The following CNTNAP2 variants were observed in gnomAD, a reference collection of about 807,000 sequenced individuals.
CNTNAP2 encodes the protein contactin-associated protein-like 2.
In CNTNAP2, 98 loss-of-function variants were observed where a neutral mutation model predicts 155.2. That is an observed-to-expected ratio of 0.63 (90% CI 0.54 to 0.75). The LOEUF (loss-of-function observed/expected upper bound fraction) is 0.75, where lower values mean the gene tolerates loss of function less well. Ranked by LOEUF, CNTNAP2 falls within the 30% of genes least tolerant of loss-of-function variation. The pLI is 0.00. For missense variants in CNTNAP2, 1,727 were observed against 1,688.1 expected (o/e 1.02, Z -0.40); for synonymous variants, 651 against 631.2 (o/e 1.03, Z -0.47).
chr7:146,497,799 CAT>C (rs778518652), intron 1 of CNTNAP2, among the ~76,000 whole-genome samples: 8 of 148,368 alleles, frequency 5.4e-5, no homozygotes, highest in African/African-American at 9.8e-5. Flanking sequence ...CATATATAAA[CAT>C]ATATATACAT....
intron 1 of CNTNAP2, among the ~76,000 whole-genome samples, chr7:146,552,752 T>C (rs1259961570): frequency 6.6e-6 from 1 of 152,082 alleles, no homozygotes; most frequent in Non-Finnish European, 1.5e-5. Flanking sequence ...TCCCCTCTGC[T>C]CTCTCCTTTA....
At chr7:147,590,415 T>C (rs771324971) in intron 12 of CNTNAP2, among the ~76,000 whole-genome samples, 1 of 152,136 alleles carries the variant, frequency 6.6e-6, no homozygotes, top group Non-Finnish European at 1.5e-5. Flanking sequence ...TCTCACAAGA[T>C]CTGATGGTCT....
intron 18 of CNTNAP2, among the ~76,000 whole-genome samples, chr7:148,212,916 G>A (rs1795573201): frequency 6.6e-6 from 1 of 152,140 alleles, no homozygotes. Context: ...CTGCAAAACT[G>A]ACATAAATCC....
In CNTNAP2 at chr7:146,897,237, C is replaced by T. The variant is rs558275854; in HGVS notation, c.402+57333C>T. Among the ~76,000 whole-genome samples the T allele has an allele frequency of 2.0e-3, 311 of 152,136 alleles. 2 individuals carry two copies. The highest frequency in any genetic ancestry group is 1.4e-3 in the Non-Finnish European group (95 of 68,000). On this transcript the variant is annotated intron_variant, in intron 3 of 23. Coordinates refer to ENST00000361727, the MANE Select transcript of CNTNAP2 (RefSeq NM_014141.6). ...CTATTTTACCTGTTTTCAACTTTTA[C>T]GTAACTTGTCTGACATTTAAGTTGA...
chr7:147,069,288 G>T (rs75667294), intron 4 of CNTNAP2, among the ~76,000 whole-genome samples: 3,845 of 152,246 alleles, frequency 0.025, 130 homozygotes, highest in African/African-American at 0.081. Flanking sequence ...TGTTTCTTCA[G>T]TGAATCCCTG....
chr7:146,291,679 A>T (rs1181174490), intron 1 of CNTNAP2, among the ~76,000 whole-genome samples: 2 of 152,214 alleles, frequency 1.3e-5, no homozygotes, highest in Non-Finnish European at 1.5e-5. Flanking sequence ...GAATAGATTT[A>T]AAAAATTAAA....
At chr7:148,168,806 T>G (rs1054793112) in intron 17 of CNTNAP2, among the ~76,000 whole-genome samples, 1 of 152,230 alleles carries the variant, frequency 6.6e-6, no homozygotes, top group Non-Finnish European at 1.5e-5. Context: ...GAAATACCAA[T>G]TGTTTCCAAA....
chr7:146,892,593 A>G (rs1437169282), intron 3 of CNTNAP2, among the ~76,000 whole-genome samples: 2 of 152,194 alleles, frequency 1.3e-5, no homozygotes, highest in East Asian at 3.8e-4. Context: ...CATGCATCAA[A>G]TTTCTTGCCC....
intron 3 of CNTNAP2, among the ~76,000 whole-genome samples, chr7:147,031,106 A>G (rs1181086762): frequency 6.6e-6 from 1 of 152,152 alleles, no homozygotes; most frequent in Non-Finnish European, 1.5e-5. Flanking sequence ...TAACATTGCC[A>G]AGATTGATAA....
At position 147,167,267 on chromosome 7, in the gene CNTNAP2, A is replaced by G. The variant is rs536571087; in HGVS notation, c.1348+34758A>G. On this transcript the variant is annotated intron_variant, in intron 8 of 23. Coordinates refer to ENST00000361727, the MANE Select transcript of CNTNAP2 (RefSeq NM_014141.6). ...ATTAACTGGTCAATTTTGATAATGG[A>G]GTTGATTTTTCTTTAACGTTTATAA... 81 of 389,824 alleles carry G rather than the reference A, an allele frequency of 2.1e-4. 1 individual carries two copies. The South Asian group carries it at 5.4e-3, about 26-fold the overall frequency. The allele number at this position is 389,824 out of a possible 1,614,324, so 24.1% of individuals were successfully genotyped here. A position where few individuals can be genotyped will look rare whatever the true frequency, so the allele number is the denominator to read the frequency against.
At chr7:147,628,185 T>C (rs1795021189) in intron 12 of CNTNAP2, among the ~76,000 whole-genome samples, 1 of 152,080 alleles carries the variant, frequency 6.6e-6, no homozygotes, top group Non-Finnish European at 1.5e-5. Flanking sequence ...AGTCATTAGG[T>C]TATCTAAAGT....
At chr7:146,433,101 A>C (rs1366416720) in intron 1 of CNTNAP2, among the ~76,000 whole-genome samples, 2 of 152,168 alleles carry the variant, frequency 1.3e-5, no homozygotes, top group African/African-American at 2.4e-5. Context: ...CTCTATTGTA[A>C]TTGCTTTTGT....
intron 15 of CNTNAP2, among the ~76,000 whole-genome samples, chr7:148,042,985 T>C (rs1334181022): frequency 2.0e-5 from 3 of 152,238 alleles, no homozygotes; most frequent in Admixed American, 6.5e-5. Flanking sequence ...TAAAGTCCCA[T>C]TGAGAATTAT....
intron 8 of CNTNAP2, among the ~76,000 whole-genome samples, chr7:147,283,848 G>A (rs1382787052): frequency 6.6e-6 from 1 of 151,868 alleles, no homozygotes; most frequent in South Asian, 2.1e-4. Context: ...CCTGGTAAAA[G>A]ATCTTAGTTC....
At chr7:146,596,537 G>T (rs993789711) in intron 1 of CNTNAP2, among the ~76,000 whole-genome samples, 9 of 148,786 alleles carry the variant, frequency 6.0e-5, no homozygotes, top group African/African-American at 2.2e-4. Context: ...TTCTTTCAAA[G>T]AATTTTTGGC....
At chr7:147,226,543 A>G (rs897125318) in intron 8 of CNTNAP2, among the ~76,000 whole-genome samples, 2 of 151,998 alleles carry the variant, frequency 1.3e-5, no homozygotes, top group Non-Finnish European at 2.9e-5. Context: ...GCCAAAAAAA[A>G]AAATCATTAG....
intron 8 of CNTNAP2, among the ~76,000 whole-genome samples, chr7:147,260,628 C>T (rs895613706): frequency 2.1e-4 from 32 of 152,152 alleles, no homozygotes; most frequent in African/African-American, 7.5e-4. Flanking sequence ...TAATTTTTTT[C>T]CTCCGTGATT....
At chr7:148,195,511 C>T (rs1235186980) in intron 18 of CNTNAP2, among the ~76,000 whole-genome samples, 1 of 152,188 alleles carries the variant, frequency 6.6e-6, no homozygotes, top group Admixed American at 6.5e-5. Context: ...AATTCACAAC[C>T]TAAGCTATAG....
In CNTNAP2 at chr7:146,442,359, A is replaced by G. The variant is rs147487293; in HGVS notation, c.97+325386A>G. 3.7e-3 allele frequency among the ~76,000 whole-genome samples: 558 copies of G among 151,840 alleles called. 25 individuals are homozygous for G. The highest frequency in any genetic ancestry group is 0.013 in the African/African-American group (539 of 41,176). ...CATCTAAGTGTAGGTTTTTAATTCT[A>G]AATGTTATGTGTGTTAGTGGTGAGA... On this transcript the variant is annotated intron_variant, in intron 1 of 23. Transcript: ENST00000361727.
Sources: gnomAD v4.1 joint callset for allele counts (sites outside exome capture counted in the v4.1 genomes callset) on GRCh38, gnomAD v4.1.1 for gene constraint, MANE v1.5 for transcripts, NCBI Gene and HGNC (gene_info 2026-07-23, HGNC 2026-07-21) for gene names.